ADAMTS2: variants seen among roughly 807,000 people sequenced by gnomAD.
ADAMTS2 encodes ADAM metallopeptidase with thrombospondin type 1 motif 2, also known as A disintegrin and metalloproteinase with thrombospondin motifs 2.
Under a neutral mutation model 123.0 loss-of-function variants are expected in ADAMTS2, and 50 were observed. The ratio of observed to expected loss-of-function variants is 0.41; its 90% CI spans 0.32 to 0.51. The LOEUF (loss-of-function observed/expected upper bound fraction) is 0.51, where lower values mean the gene tolerates loss of function less well. Among genes scored for constraint, ADAMTS2 ranks in the 20% least tolerant of loss-of-function variants. ADAMTS2 has a pLI of 0.35. For missense variants in ADAMTS2, 1,494 were observed against 1,705.2 expected (o/e 0.88, Z 2.18); for synonymous variants, 678 against 695.4 (o/e 0.98, Z 0.39).
In ADAMTS2 at chr5:179,117,147, C is replaced by G. The variant is rs1762671200; in HGVS notation, c.3179-2823G>C. On this transcript the variant is annotated intron_variant, in intron 21 of 21. Coordinates refer to ENST00000251582, the MANE Select transcript of ADAMTS2 (RefSeq NM_014244.5). This position sits in a 1 kb window ranked among gnomAD's most constrained non-coding sequence, Gnocchi z 4.2. ...AGACACAGAGCTCCCATCCCTGCCC[C>G]ACCCCATCCTCTCCAGCAGCCTGGT... Among the ~76,000 whole-genome samples the G allele has an allele frequency of 6.6e-6, 1 of 152,190 alleles. No homozygotes were observed. Among genetic ancestry groups the G allele is most frequent in the Admixed American group, 6.5e-5 (1 of 15,286 alleles).
chr5:179,191,415 G>A (rs890104396), intron 4 of ADAMTS2, among the ~76,000 whole-genome samples: 5 of 152,148 alleles, frequency 3.3e-5, no homozygotes, highest in Admixed American at 6.5e-5. Context: ...TGTGTGGCCC[G>A]GCCCATCCCG....
chr5:179,173,263 A>T (rs1454378983), intron 5 of ADAMTS2, among the ~76,000 whole-genome samples: 1 of 151,640 alleles, frequency 6.6e-6, no homozygotes, highest in African/African-American at 2.4e-5. Flanking sequence ...CATGCTCATC[A>T]TATTGAATTT....
chr5:179,318,450 C>T (rs1757063549), intron 2 of ADAMTS2, among the ~76,000 whole-genome samples: 1 of 151,916 alleles, frequency 6.6e-6, no homozygotes, highest in Non-Finnish European at 1.5e-5. Flanking sequence ...GGGACGGCCA[C>T]AGCTGCCCTG....
rs1764056022 is a variant in ADAMTS2, at chr5:179,181,842, G to A, written c.892-687C>T. 6.6e-6 allele frequency among the ~76,000 whole-genome samples: 1 copy of A among 152,092 alleles called. No individual in the cohort carries two copies. The highest frequency in any genetic ancestry group is 6.6e-5 in the Admixed American group (1 of 15,266). ...CCAATGGGCTTCAGCAGATATCAAA[G>A]GGACCCGTGGCACAAAAACAGGGGG... On this transcript the variant is annotated intron_variant, in intron 4 of 21. Transcript: ENST00000251582. This position sits in a 1 kb window ranked among gnomAD's most constrained non-coding sequence, Gnocchi z 4.1.
Position 179,130,314 on chromosome 5 carries a change from G to A in ADAMTS2, c.2291-216C>T, listed in dbSNP as rs530899388. On this transcript the variant is annotated intron_variant, in intron 15 of 21. Transcript: ENST00000251582. The surrounding 1 kb of genome is among the most constrained non-coding windows in gnomAD (Gnocchi z 4.3). ...CTCGGGACCAGATTACCCTCCACTCGCATCCTCTGCCCCCACCAGCCCTGG... is the reference window on the plus strand; with the variant it reads ...CTCGGGACCAGATTACCCTCCACTCACATCCTCTGCCCCCACCAGCCCTGG... Among the ~76,000 whole-genome samples, 44 of 152,214 alleles carry A rather than the reference G, an allele frequency of 2.9e-4. No homozygotes were observed. The highest frequency in any genetic ancestry group is 1.6e-3 in the East Asian group (8 of 5,156).
At chr5:179,179,688 G>A (rs971678155) in intron 5 of ADAMTS2, among the ~76,000 whole-genome samples, 1 of 152,190 alleles carries the variant, frequency 6.6e-6, no homozygotes, top group Non-Finnish European at 1.5e-5. Flanking sequence ...CCTGCAACTG[G>A]CATCCGCCCT....
rs1763803157 is a variant in ADAMTS2 at position 179,170,930 on chromosome 5, C to A, written c.975+10142G>T. 6.6e-6 allele frequency among the ~76,000 whole-genome samples: 1 copy of A among 152,196 alleles called. No homozygotes were observed. The highest frequency in any genetic ancestry group is 1.5e-5 in the Non-Finnish European group (1 of 68,040). ...ACACCTCAGAGACCTGAAAACAGGG[C>A]CTCCCCCAGTGCTATGCAAAGTGAA... is the stretch of plus-strand genomic sequence containing the variant. On this transcript the variant is annotated intron_variant, in intron 5 of 21. Coordinates refer to ENST00000251582, the MANE Select transcript of ADAMTS2 (RefSeq NM_014244.5). The surrounding 1 kb of genome is among the most constrained non-coding windows in gnomAD (Gnocchi z 4.3).
chr5:179,336,610 C>T (rs554208817), intron 2 of ADAMTS2, among the ~76,000 whole-genome samples: 2 of 152,216 alleles, frequency 1.3e-5, no homozygotes, highest in South Asian at 2.1e-4. Flanking sequence ...GTCCCGTAAC[C>T]GATGGCACCT....
chr5:179,250,897 C>T (rs748726218), intron 3 of ADAMTS2, among the ~76,000 whole-genome samples: 2 of 152,312 alleles, frequency 1.3e-5, no homozygotes, highest in East Asian at 3.9e-4. Flanking sequence ...GCATCCTGCC[C>T]GCACATTGCT....
At chr5:179,165,873 C>T in intron 5 of ADAMTS2, among the ~76,000 whole-genome samples, 1 of 152,182 alleles carries the variant, frequency 6.6e-6, no homozygotes, top group Non-Finnish European at 1.5e-5. Flanking sequence ...GCCCATCCAG[C>T]CCAGGATGCA....
Position 179,228,524 on chromosome 5 carries a change from C to CGGAAGG in ADAMTS2, c.689-20815_689-20810dup, listed in dbSNP as rs1334323841. Among the ~76,000 whole-genome samples the CGGAAGG allele has an allele frequency of 6.6e-6, 1 of 152,204 alleles. No homozygotes were observed. The highest frequency in any genetic ancestry group is 1.5e-5 in the Non-Finnish European group (1 of 68,028). ...GCCCAAAACCAGTGTGGGTGTGAAGCGGAAGGAGACTCTGCAGCAAGGCCC... is the reference window on the plus strand; with the variant it reads ...GCCCAAAACCAGTGTGGGTGTGAAGCGGAAGGGGAAGGAGACTCTGCAGCAAGGCCC... On this transcript the variant is annotated intron_variant, in intron 3 of 21. Transcript: ENST00000251582. This position sits in a 1 kb window ranked among gnomAD's most constrained non-coding sequence, Gnocchi z 5.2.
chr5:179,329,508 C>T (rs1414415176), intron 2 of ADAMTS2, among the ~76,000 whole-genome samples: 1 of 152,076 alleles, frequency 6.6e-6, no homozygotes, highest in African/African-American at 2.4e-5. Flanking sequence ...TTAAAACCAA[C>T]ACCTTATACA....
chr5:179,274,611 C>T (rs571206424), intron 2 of ADAMTS2, among the ~76,000 whole-genome samples: 36 of 152,272 alleles, frequency 2.4e-4, no homozygotes, highest in Non-Finnish European at 4.0e-4. Context: ...CGGTGGCGCA[C>T]GGGCTGCCCC....
Position 179,269,243 on chromosome 5 carries a change from T to A in ADAMTS2, c.688+3668A>T, listed in dbSNP as rs571220272. On this transcript the variant is annotated intron_variant, in intron 3 of 21. Coordinates refer to ENST00000251582, the MANE Select transcript of ADAMTS2 (RefSeq NM_014244.5). The stretch of plus-strand genomic sequence containing the variant: ...GGAGCACAGCCCTGTCCACCCTTGA[T>A]CTTGGCTCAGTGAGATTCATTTCAG... 1.2e-4 allele frequency among the ~76,000 whole-genome samples: 19 copies of A among 152,276 alleles called. No individual in the cohort carries two copies. The South Asian group carries it at 3.7e-3, about 30-fold the overall frequency.
rs1757518808 is a variant in ADAMTS2, at chr5:179,332,936, G to A, written c.534+10831C>T. On this transcript the variant is annotated intron_variant, in intron 2 of 21. Coordinates refer to ENST00000251582, the MANE Select transcript of ADAMTS2 (RefSeq NM_014244.5). The surrounding 1 kb of genome is among the most constrained non-coding windows in gnomAD (Gnocchi z 4.2). Reference sequence around the variant, plus strand: ...TCCAGGTGGCCGCCAAGTGTGGACAGCCCTGCAGCAAAGGCCAGCTACTGC... The same window carrying A: ...TCCAGGTGGCCGCCAAGTGTGGACAACCCTGCAGCAAAGGCCAGCTACTGC... Among the ~76,000 whole-genome samples the A allele has an allele frequency of 6.6e-6, 1 of 152,170 alleles. No individual in the cohort carries two copies. Among genetic ancestry groups the A allele is most frequent in the Non-Finnish European group, 1.5e-5 (1 of 68,004 alleles).
At position 179,344,085 on chromosome 5, in the gene ADAMTS2, G is replaced by A; in HGVS notation, c.216C>T (p.Ser72=). Residue 72 remains serine (S), a synonymous_variant, in exon 2 of 22, where the codon TCC becomes TCT. Coordinates refer to ENST00000251582, the MANE Select transcript of ADAMTS2 (RefSeq NM_014244.5). The part of the protein sequence containing the change: ...VRTDAQGRLV[S]HVVSAATSRA... ...TGGACGTAGCTGCCGACACCACGTG[G>A]GACACCAAGCGGCCCTGGGCGTCAG... The A allele has an allele frequency of 6.2e-7, 1 of 1,610,820 alleles. No individual in the cohort carries two copies. The highest frequency in any genetic ancestry group is 1.3e-5 in the African/African-American group (1 of 75,000).
chr5:179,153,313 G>T (rs539088978), intron 9 of ADAMTS2, among the ~76,000 whole-genome samples, 178 bp downstream of exon 9: 1 of 152,260 alleles, frequency 6.6e-6, no homozygotes, highest in South Asian at 2.1e-4. Context: ...TGCCAGGTGG[G>T]CTCAGGGTGC....
Position 179,329,188 on chromosome 5 carries a change from G to T in ADAMTS2, c.534+14579C>A, listed in dbSNP as rs1186948374. On this transcript the variant is annotated intron_variant, in intron 2 of 21. Transcript: ENST00000251582. ...TAAAAATACAAAAAATTAGCCGGGT[G>T]TGGTGGCGGGCGCCTGTAGTCCCAG... Among the ~76,000 whole-genome samples, 5 of 152,204 alleles carry T rather than the reference G, an allele frequency of 3.3e-5. No homozygotes were observed. In the East Asian group the frequency reaches 7.7e-4, roughly 23 times the overall value.
intron 4 of ADAMTS2, among the ~76,000 whole-genome samples, chr5:179,184,201 G>A (rs1436109173): frequency 6.6e-6 from 1 of 152,138 alleles, no homozygotes; most frequent in Admixed American, 6.5e-5. Context: ...GATGAGGGCA[G>A]CACCAGATAT....
Sources: gnomAD v4.1 joint callset for allele counts (sites outside exome capture counted in the v4.1 genomes callset) on GRCh38, gnomAD v4.1.1 for gene constraint, Gnocchi (gnomAD v3.1) non-coding constraint, MANE v1.5 for transcripts, NCBI Gene and HGNC (gene_info 2026-07-23, HGNC 2026-07-21) for gene names.